The following ZRANB1 variants were observed in gnomAD, a reference collection of about 807,000 sequenced individuals.
The protein encoded by ZRANB1 is ubiquitin thioesterase ZRANB1.
A neutral mutation model predicts 80.5 loss-of-function variants in ZRANB1; 16 were observed. The ratio of observed to expected loss-of-function variants is 0.20; its 90% CI spans 0.13 to 0.30. ZRANB1 has a LOEUF of 0.30. Among genes scored for constraint, ZRANB1 ranks in the 10% least tolerant of loss-of-function variants. ZRANB1 has a pLI of 1.00. For missense variants in ZRANB1, 576 were observed against 862.6 expected (o/e 0.67, Z 4.16); for synonymous variants, 291 against 293.1 (o/e 0.99, Z 0.07).
Position 124,985,202 on chromosome 10 carries a change from TAA to T in ZRANB1, c.*217_*218del. The T allele has an allele frequency of 2.2e-6, 1 of 464,234 alleles. No homozygotes were observed. Among genetic ancestry groups the T allele is most frequent in the Non-Finnish European group, 3.8e-6 (1 of 263,874 alleles). 28.8% of individuals were successfully genotyped at this position (464,234 alleles called of 1,614,324 possible). On this transcript the variant is annotated 3_prime_UTR_variant, in exon 9 of 9. Coordinates refer to ENST00000359653, the MANE Select transcript of ZRANB1 (RefSeq NM_017580.3). Reference sequence around the variant, plus strand: ...AGAACTTTAGTTGGACTACAGTTTGTAAAAAAAACTAATTTTATTAAGACAGA... The same window carrying T: ...AGAACTTTAGTTGGACTACAGTTTGTAAAAAACTAATTTTATTAAGACAGA...
chr10:124,969,227 T>C (rs535746062), intron 2 of ZRANB1, among the ~76,000 whole-genome samples: 2 of 152,274 alleles, frequency 1.3e-5, no homozygotes, highest in South Asian at 4.1e-4. Context: ...TAAATTGATT[T>C]AGGAAGCAAC....
At position 124,942,990 on chromosome 10, in the gene ZRANB1, C is replaced by G; in HGVS notation, c.497C>G (p.Ala166Gly). 2 of 1,614,134 alleles carry G rather than the reference C, an allele frequency of 1.2e-6. No homozygotes were observed. The highest frequency in any genetic ancestry group is 1.7e-6 in the Non-Finnish European group (2 of 1,180,006). Reference protein sequence around the residue: ...SVCTYENWAKAKRCVVCDHPR... With the variant: ...SVCTYENWAKGKRCVVCDHPR... ...TGCACATATGAAAACTGGGCCAAGGCTAAAAGATGTGTTGTTTGTGATCAT... is the reference window on the plus strand; with the variant it reads ...TGCACATATGAAAACTGGGCCAAGGGTAAAAGATGTGTTGTTTGTGATCAT... Residue 166 changes from alanine to glycine, a missense_variant, in exon 1 of 9, where the codon GCT becomes GGT. Transcript: ENST00000359653.
At chr10:124,941,342 T>C (rs1001555003), upstream of ZRANB1, among the ~76,000 whole-genome samples, 28 of 152,308 alleles carry the variant, frequency 1.8e-4, no homozygotes, top group Middle Eastern at 3.4e-3. Flanking sequence ...GAATATCTTT[T>C]AAATATGAAT....
chr10:124,940,397 A>AC, upstream of ZRANB1: 1 of 730,418 alleles, frequency 1.4e-6, no homozygotes, highest in Non-Finnish European at 2.0e-6. Context: ...GTCAGACAGA[A>AC]CCACTTATCA....
Position 124,983,046 on chromosome 10 carries a change from T to G in ZRANB1, c.1549-129T>G. On this transcript the variant is annotated intron_variant, in intron 6 of 8. Transcript: ENST00000359653. The surrounding 1 kb of genome is among the most constrained non-coding windows in gnomAD (Gnocchi z 6.2). The stretch of plus-strand genomic sequence containing the variant: ...TATTATTTGAGGAATCAAATGCTGC[T>G]TTGACAATCTTTTCTTTCTTAAAAA... The G allele has an allele frequency of 1.1e-6, 1 of 899,922 alleles. No homozygotes were observed. The highest frequency in any genetic ancestry group is 1.6e-6 in the Non-Finnish European group (1 of 610,904). The allele number at this position is 899,922 out of a possible 1,614,324, so 55.7% of individuals were successfully genotyped here. A position where few individuals can be genotyped will look rare whatever the true frequency, so the allele number is the denominator to read the frequency against.
At position 124,986,658 on chromosome 10, in the gene ZRANB1, C is replaced by CTGTT. The variant is rs1190061307; in HGVS notation, c.*1669_*1672dup. On this transcript the variant is annotated 3_prime_UTR_variant, in exon 9 of 9. Transcript: ENST00000359653. ...TGGTGAATGTGTTGTTAAAAATTGG[C>CTGTT]TGTTTGCTTTCATTTTGGCCAATAA... 1.3e-5 allele frequency: 2 copies of CTGTT among 152,160 alleles called. No homozygotes were observed. Among genetic ancestry groups the CTGTT allele is most frequent in the East Asian group, 1.9e-4 (1 of 5,204 alleles). 9.4% of individuals were successfully genotyped at this position (152,160 alleles called of 1,614,324 possible).
At chr10:124,924,365 T>C in the ZRANB1 span, among the ~76,000 whole-genome samples, 1 of 151,514 alleles carries the variant, frequency 6.6e-6, no homozygotes, top group African/African-American at 2.4e-5. Flanking sequence ...CTTTAAAGTA[T>C]ACAATTCAGT....
At chr10:124,962,598 G>T (rs879200486) in intron 1 of ZRANB1, among the ~76,000 whole-genome samples, 1 of 152,192 alleles carries the variant, frequency 6.6e-6, no homozygotes, top group Non-Finnish European at 1.5e-5. Context: ...CATAGTAGCT[G>T]TGAAGTCCCC....
At chr10:124,958,753 G>A (rs1011099660) in intron 1 of ZRANB1, among the ~76,000 whole-genome samples, 2 of 152,160 alleles carry the variant, frequency 1.3e-5, no homozygotes, top group Admixed American at 1.3e-4. Context: ...GTTAAGAATG[G>A]CATGCTGTCT....
At chr10:124,917,024 C>G in the ZRANB1 span, 1 of 152,438 alleles carries the variant, frequency 6.6e-6, no homozygotes, top group African/African-American at 2.4e-5. Flanking sequence ...CTCCCCCGGC[C>G]TCCGGCAGCC....
chr10:124,976,166 G>A (rs371332623), intron 5 of ZRANB1, among the ~76,000 whole-genome samples: 1 of 152,174 alleles, frequency 6.6e-6, no homozygotes, highest in East Asian at 1.9e-4. Context: ...CCTGGAGAGA[G>A]GGCTCTTTTG....
At chr10:124,917,035 G>T in the ZRANB1 span, 1 of 152,338 alleles carries the variant, frequency 6.6e-6, no homozygotes, top group South Asian at 2.0e-4. Context: ...TCCGGCAGCC[G>T]GGAGCCGCGC....
In ZRANB1 at chr10:124,983,396, G is replaced by A. The variant is rs1239825811; in HGVS notation, c.1679-63G>A. 5 of 1,590,804 alleles carry A rather than the reference G, an allele frequency of 3.1e-6. No individual in the cohort carries two copies. In the South Asian group the frequency reaches 3.4e-5, roughly 11 times the overall value. On this transcript the variant is annotated intron_variant, in intron 7 of 8. Coordinates refer to ENST00000359653, the MANE Select transcript of ZRANB1 (RefSeq NM_017580.3). The surrounding 1 kb of genome is among the most constrained non-coding windows in gnomAD (Gnocchi z 6.2). Reference sequence around the variant, plus strand: ...GCAGTGGACAGGGGAATGTGAACAAGGGCAGTGAGGGAGTGGCTCTTTCTT... The same window carrying A: ...GCAGTGGACAGGGGAATGTGAACAAAGGCAGTGAGGGAGTGGCTCTTTCTT...
chr10:124,982,808 G>A (rs761549296), intron 6 of ZRANB1, among the ~76,000 whole-genome samples: 2 of 150,480 alleles, frequency 1.3e-5, no homozygotes, highest in African/African-American at 2.4e-5. Flanking sequence ...ATTTCAGGAG[G>A]ACTTTGTTGT....
chr10:124,960,778 A>G (rs975376273), intron 1 of ZRANB1, among the ~76,000 whole-genome samples: 6 of 152,140 alleles, frequency 3.9e-5, no homozygotes, highest in Admixed American at 1.3e-4. Flanking sequence ...GGTGGGCTAG[A>G]CTATTCAGTT....
the ZRANB1 span, among the ~76,000 whole-genome samples, chr10:124,929,964 A>T: frequency 1.3e-5 from 2 of 149,810 alleles, no homozygotes; most frequent in African/African-American, 4.9e-5. Context: ...AAAAAAAAAA[A>T]GATATGGGGT....
At chr10:124,947,913 A>G (rs1321132148) in intron 1 of ZRANB1, among the ~76,000 whole-genome samples, 3 of 152,010 alleles carry the variant, frequency 2.0e-5, no homozygotes. Context: ...TCTTCTCAGA[A>G]CCCTCTAGTG....
intron 1 of ZRANB1, among the ~76,000 whole-genome samples, chr10:124,949,578 G>A (rs562356981): frequency 6.8e-6 from 1 of 147,032 alleles, no homozygotes; most frequent in Admixed American, 6.9e-5. Context: ...CTGGAGTGCA[G>A]TGGTGCGATC....
In ZRANB1 at chr10:124,987,606, G is replaced by GTAA. The variant is rs1468131783; in HGVS notation, c.*2617_*2619dup. ...TTAAACTACCTTTTTGTTCCCTGGG[G>GTAA]TAATAGGTCAGTAACTATGAGCGCC... On this transcript the variant is annotated 3_prime_UTR_variant, in exon 9 of 9. Transcript: ENST00000359653. 1 of 152,122 alleles carries GTAA rather than the reference G, an allele frequency of 6.6e-6. No individual in the cohort carries two copies. The highest frequency in any genetic ancestry group is 1.5e-5 in the Non-Finnish European group (1 of 68,028). The allele number at this position is 152,122 out of a possible 1,614,324, so 9.4% of individuals were successfully genotyped here. A position where few individuals can be genotyped will look rare whatever the true frequency, so the allele number is the denominator to read the frequency against.
Sources: gnomAD v4.1 joint callset for allele counts (sites outside exome capture counted in the v4.1 genomes callset) on GRCh38, gnomAD v4.1.1 for gene constraint, Gnocchi (gnomAD v3.1) non-coding constraint, MANE v1.5 for transcripts, NCBI Gene and HGNC (gene_info 2026-07-23, HGNC 2026-07-21) for gene names.